The following CACNA2D3 variants were observed in gnomAD, a reference collection of about 807,000 sequenced individuals.
The protein encoded by CACNA2D3 is voltage-dependent calcium channel subunit alpha-2/delta-3.
CACNA2D3 carries 60 observed loss-of-function variants against 160.6 expected under a neutral mutation model. The observed-to-expected ratio is 0.37, with a 90% confidence interval of 0.30 to 0.46. CACNA2D3 has a LOEUF of 0.46. CACNA2D3 is among the 20% of genes least tolerant of loss of function. CACNA2D3 has a pLI of 1.00. For synonymous variants in CACNA2D3, 558 were observed against 492.9 expected (o/e 1.13, Z -1.75); for missense variants, 1,205 against 1,365.0 (o/e 0.88, Z 1.85).
intron 9 of CACNA2D3, among the ~76,000 whole-genome samples, chr3:54,590,618 A>G (rs910544329): frequency 1.3e-5 from 2 of 150,366 alleles, no homozygotes; most frequent in African/African-American, 2.5e-5. Flanking sequence ...TATTATTATT[A>G]TTTTATTTGT....
At chr3:55,026,370 A>G (rs1703563602) in intron 35 of CACNA2D3, among the ~76,000 whole-genome samples, 2 of 152,228 alleles carry the variant, frequency 1.3e-5, no homozygotes, top group Admixed American at 6.5e-5. Flanking sequence ...ATCTGCTTGC[A>G]TCCCAGACAC....
At position 54,552,449 on chromosome 3, in the gene CACNA2D3, C is replaced by A. The variant is rs74658900; in HGVS notation, c.545-10351C>A. ...TCCCTGCCATTGCTTTCTCCCACCC[C>A]CTGTGTACTGTCTGGTAGCCAGTAA... On this transcript the variant is annotated intron_variant, in intron 5 of 37. Coordinates refer to ENST00000474759, the MANE Select transcript of CACNA2D3 (RefSeq NM_018398.3). Among the ~76,000 whole-genome samples the A allele has an allele frequency of 3.9e-5, 6 of 152,162 alleles. No homozygotes were observed. In the East Asian group the frequency reaches 9.6e-4, roughly 24 times the overall value.
intron 34 of CACNA2D3, among the ~76,000 whole-genome samples, chr3:55,017,618 A>G (rs79241272): frequency 0.098 from 14,903 of 152,178 alleles, 794 homozygotes; most frequent in African/African-American, 0.11. Context: ...CCACTGGACA[A>G]TCAACTGCCA....
At chr3:55,021,601 A>C (rs1575439123) in intron 35 of CACNA2D3, among the ~76,000 whole-genome samples, 4 of 72,124 alleles carry the variant, frequency 5.5e-5, no homozygotes, top group African/African-American at 2.2e-4. Context: ...TCTCTAAATT[A>C]TATATATATA....
chr3:54,661,383 G>T (rs187222529), intron 11 of CACNA2D3, among the ~76,000 whole-genome samples: 1 of 152,082 alleles, frequency 6.6e-6, no homozygotes, highest in South Asian at 2.1e-4. Context: ...AAAAACTAAC[G>T]GTTTTAGAAT....
At chr3:54,584,004 A>C (rs553663645) in intron 9 of CACNA2D3, among the ~76,000 whole-genome samples, 2 of 152,244 alleles carry the variant, frequency 1.3e-5, no homozygotes, top group African/African-American at 4.8e-5. Context: ...CTGAATATCA[A>C]CGGAACAACC....
chr3:54,737,020 C>T (rs1466240370), intron 11 of CACNA2D3, among the ~76,000 whole-genome samples: 6 of 152,296 alleles, frequency 3.9e-5, no homozygotes, highest in Middle Eastern at 3.4e-3. Context: ...TTTCTTTTAG[C>T]ATGTTCTTAC....
intron 2 of CACNA2D3, among the ~76,000 whole-genome samples, chr3:54,289,395 A>G (rs1409218776): frequency 2.0e-5 from 3 of 152,178 alleles, no homozygotes; most frequent in Non-Finnish European, 4.4e-5. Flanking sequence ...CCACTGCTCA[A>G]TGAAATAAAT....
chr3:54,199,893 A>G (rs915170011), intron 2 of CACNA2D3, among the ~76,000 whole-genome samples: 1 of 152,222 alleles, frequency 6.6e-6, no homozygotes, highest in Non-Finnish European at 1.5e-5. Context: ...GAAAACTGTG[A>G]TCTCAGGGTC....
At chr3:54,974,602 G>C (rs1469153143) in intron 29 of CACNA2D3, among the ~76,000 whole-genome samples, 1 of 152,186 alleles carries the variant, frequency 6.6e-6, no homozygotes, top group Admixed American at 6.5e-5. Context: ...ATCCACCTCT[G>C]TGACTAAGAA....
intron 27 of CACNA2D3, among the ~76,000 whole-genome samples, chr3:54,911,351 C>CTTTTTTTTTTTTTTTTTTTTTTT (rs58289082): frequency 1.7e-5 from 1 of 58,584 alleles, no homozygotes; most frequent in African/African-American, 8.8e-5. Context: ...TCTTTGTCGT[C>CTTTTTTTTTTTTTTTTTTTTTTT]TTTTTTTTTT....
At chr3:54,268,698 C>T (rs1202066607) in intron 2 of CACNA2D3, among the ~76,000 whole-genome samples, 1 of 152,130 alleles carries the variant, frequency 6.6e-6, no homozygotes, top group Non-Finnish European at 1.5e-5. Flanking sequence ...TGTAAGCCAC[C>T]GTGCCCAGCT....
At chr3:54,488,061 G>A (rs73841604) in intron 4 of CACNA2D3, among the ~76,000 whole-genome samples, 1 of 152,114 alleles carries the variant, frequency 6.6e-6, no homozygotes, top group Non-Finnish European at 1.5e-5. Flanking sequence ...AATAGGCTTC[G>A]AGGCAGGATG....
intron 27 of CACNA2D3, among the ~76,000 whole-genome samples, chr3:54,900,928 C>T (rs1282215310): frequency 1.3e-5 from 2 of 152,262 alleles, no homozygotes; most frequent in African/African-American, 4.8e-5. Context: ...CTGGTTATTC[C>T]TGAGTTACTG....
At chr3:54,209,625 C>T (rs1016839093) in intron 2 of CACNA2D3, among the ~76,000 whole-genome samples, 2 of 152,108 alleles carry the variant, frequency 1.3e-5, no homozygotes, top group African/African-American at 2.4e-5. Context: ...AGACAGGAGC[C>T]GTAGTCAGTA....
rs10656534 is a variant in CACNA2D3 at position 54,598,307 on chromosome 3, C to CAAAAAAAAAAA, written c.963+16445_963+16455dup. On this transcript the variant is annotated intron_variant, in intron 9 of 37. Transcript: ENST00000474759. ...TGGGCAACAGCGAGACTCCGTCTCA[C>CAAAAAAAAAAA]AAAAAAAAAAAAAAAAAAAAAAAAA... 4.0e-3 allele frequency among the ~76,000 whole-genome samples: 198 copies of CAAAAAAAAAAA among 49,590 alleles called. 10 individuals are homozygous for CAAAAAAAAAAA. Among genetic ancestry groups the CAAAAAAAAAAA allele is most frequent in the Non-Finnish European group, 4.7e-3 (139 of 29,504 alleles). 32.5% of individuals were successfully genotyped at this position (49,590 alleles called of 152,430 possible).
intron 2 of CACNA2D3, among the ~76,000 whole-genome samples, chr3:54,255,386 A>G (rs140759894): frequency 1.5e-4 from 23 of 152,368 alleles, no homozygotes; most frequent in African/African-American, 5.0e-4. Context: ...TGCAAAGAAC[A>G]GAATGAAATG....
intron 2 of CACNA2D3, among the ~76,000 whole-genome samples, chr3:54,154,744 G>A (rs957588549): frequency 6.6e-6 from 1 of 151,998 alleles, no homozygotes; most frequent in Non-Finnish European, 1.5e-5. Context: ...GTGTGGTGGT[G>A]TACAGCCACA....
At chr3:54,485,558 A>G (rs1028486402) in intron 4 of CACNA2D3, among the ~76,000 whole-genome samples, 6 of 151,518 alleles carry the variant, frequency 4.0e-5, no homozygotes, top group Non-Finnish European at 2.9e-5. Flanking sequence ...ATAGCATAGT[A>G]TAATAGACAC....
Sources: gnomAD v4.1 joint callset for allele counts (sites outside exome capture counted in the v4.1 genomes callset) on GRCh38, gnomAD v4.1.1 for gene constraint, MANE v1.5 for transcripts, NCBI Gene and HGNC (gene_info 2026-07-23, HGNC 2026-07-21) for gene names.